FLRT2: variants seen among roughly 807,000 people sequenced by gnomAD.
FLRT2 encodes the protein leucine-rich repeat transmembrane protein FLRT2.
Under a neutral mutation model 40.0 loss-of-function variants are expected in FLRT2, and 15 were observed. The ratio of observed to expected loss-of-function variants is 0.38; its 90% CI spans 0.25 to 0.58. The LOEUF (loss-of-function observed/expected upper bound fraction) is 0.58. FLRT2 is among the 20% of genes least tolerant of loss of function. The pLI is 0.71. For synonymous variants in FLRT2, 380 were observed against 336.8 expected (o/e 1.13, Z -1.41); for missense variants, 726 against 840.0 (o/e 0.86, Z 1.68).
At position 85,630,799 on chromosome 14, in the gene FLRT2, C is replaced by A. The variant is rs1893848067; in HGVS notation, c.*7302C>A. On this transcript the variant is annotated 3_prime_UTR_variant, in exon 2 of 2. Coordinates refer to ENST00000330753, the MANE Select transcript of FLRT2 (RefSeq NM_013231.6). ...GCTAGTTCCAGCACCAGAGTGGCCT[C>A]TCAAATGTGTTTTCTCCTCTTGGTT... 1 of 152,104 alleles carries A rather than the reference C, an allele frequency of 6.6e-6. No homozygotes were observed. The highest frequency in any genetic ancestry group is 1.5e-5 in the Non-Finnish European group (1 of 68,092). 9.4% of individuals were successfully genotyped at this position (152,104 alleles called of 1,614,324 possible). A position where few individuals can be genotyped will look rare whatever the true frequency, so the allele number is the denominator to read the frequency against.
rs900331148 is a variant in FLRT2 at position 85,645,181 on chromosome 14, T to C, written c.*21684T>C. On this transcript the variant is annotated 3_prime_UTR_variant, in exon 2 of 2. Transcript: ENST00000330753. ...ACACATATGTGTGTATGTATATGTA[T>C]ACCTATATATATGTATACATATGTA... 8.6e-5 allele frequency: 13 copies of C among 151,700 alleles called. No individual in the cohort carries two copies. The highest frequency in any genetic ancestry group is 3.2e-4 in the African/African-American group (13 of 41,196). 9.4% of individuals were successfully genotyped at this position (151,700 alleles called of 1,614,324 possible).
chr14:85,611,008 G>A (rs549866210), intron 1 of FLRT2, among the ~76,000 whole-genome samples: 215 of 152,202 alleles, frequency 1.4e-3, no homozygotes, highest in African/African-American at 4.9e-3. Context: ...TGAATCTCCT[G>A]CCTCAGCTTC....
At chr14:85,562,787 G>A (rs1020140923) in intron 1 of FLRT2, 2 of 151,962 alleles carry the variant, frequency 1.3e-5, no homozygotes, top group Non-Finnish European at 2.9e-5. Flanking sequence ...CTATTGAACA[G>A]TATAAACAAC....
intron 1 of FLRT2, among the ~76,000 whole-genome samples, chr14:85,562,296 GAC>G (rs1406506450): frequency 1.3e-5 from 2 of 152,148 alleles, no homozygotes; most frequent in African/African-American, 2.4e-5. Flanking sequence ...AGACATTTCT[GAC>G]AGTTAAATCC....
chr14:85,633,232 A>G lies in FLRT2; in HGVS notation c.*9735A>G, dbSNP rs1212834786. 1 of 152,152 alleles carries G rather than the reference A, an allele frequency of 6.6e-6. No homozygotes were observed. The highest frequency in any genetic ancestry group is 1.5e-5 in the Non-Finnish European group (1 of 68,004). The allele number at this position is 152,152 out of a possible 1,614,324, so 9.4% of individuals were successfully genotyped here. ...GTCAGAAAGGTTTTCATTATTCTGT[A>G]TTCTTTCTGGGGGAAAAAAATTGGG... On this transcript the variant is annotated 3_prime_UTR_variant, in exon 2 of 2. Coordinates refer to ENST00000330753, the MANE Select transcript of FLRT2 (RefSeq NM_013231.6).
chr14:85,552,182 G>A (rs1219030431), intron 1 of FLRT2, among the ~76,000 whole-genome samples: 3 of 152,164 alleles, frequency 2.0e-5, no homozygotes, highest in African/African-American at 7.2e-5. Flanking sequence ...GGCAGTTCTA[G>A]TAATTCTCTG....
intron 1 of FLRT2, among the ~76,000 whole-genome samples, chr14:85,579,486 T>TG (rs1192768551): frequency 6.6e-6 from 1 of 151,598 alleles, no homozygotes; most frequent in African/African-American, 2.4e-5. Context: ...TTGGGAGGGG[T>TG]GGGGAAGGGC....
At chr14:85,545,054 A>G (rs780102774) in intron 1 of FLRT2, among the ~76,000 whole-genome samples, 1 of 152,166 alleles carries the variant, frequency 6.6e-6, no homozygotes, top group Non-Finnish European at 1.5e-5. Context: ...ATTTTTGATC[A>G]GACACTACCC....
In FLRT2 at chr14:85,625,286, G is replaced by A. The variant is rs938671216; in HGVS notation, c.*1789G>A. On this transcript the variant is annotated 3_prime_UTR_variant, in exon 2 of 2. Transcript: ENST00000330753. ...TATTATAGGGACCCATGAAGTAAAT[G>A]TCACAATCATCTTACTAGCTCTCTC... 3 of 167,044 alleles carry A rather than the reference G, an allele frequency of 1.8e-5. No homozygotes were observed. Among genetic ancestry groups the A allele is most frequent in the African/African-American group, 7.2e-5 (3 of 41,452 alleles). The allele number at this position is 167,044 out of a possible 1,614,324, so 10.3% of individuals were successfully genotyped here.
Position 85,622,105 on chromosome 14 carries a change from C to T in FLRT2, c.591C>T (p.Asp197=). The stretch of plus-strand genomic sequence containing the variant: ...AAAATCGAATTGCTGTCATATCCGA[C>T]ATGGCCTTCCAGAATCTCACGAGCT... ...VDENRIAVIS[D]MAFQNLTSLE... is the part of the protein sequence containing the mutation. Residue 197 remains aspartate (D), a synonymous_variant, in exon 2 of 2, where the codon GAC becomes GAT. Transcript: ENST00000330753. 6.2e-7 allele frequency: 1 copy of T among 1,614,172 alleles called. No individual in the cohort carries two copies. Among genetic ancestry groups the T allele is most frequent in the African/African-American group, 1.3e-5 (1 of 75,042 alleles).
Position 85,622,491 on chromosome 14 carries a change from A to G in FLRT2, c.977A>G (p.Lys326Arg), listed in dbSNP as rs1893442424. The part of the protein sequence containing the change: ...CSIKWVTEWL[K>R]YIPSSLNVRG... ...ATTAAATGGGTCACAGAATGGCTCA[A>G]ATATATCCCTTCATCTCTCAACGTG... The change falls in exon 2 of 2, where the codon AAA (lysine) becomes AGA (arginine). Residue 326 changes from lysine (K) to arginine (R), a missense_variant. Lys to Arg is a conservative substitution (Grantham distance 26). Around this residue, in one of 3 missense-constraint regions of FLRT2, gnomAD observed 611 missense variants for 690.0 expected, o/e 0.89. Transcript: ENST00000330753. The G allele has an allele frequency of 1.2e-6, 2 of 1,613,968 alleles. No homozygotes were observed. The highest frequency in any genetic ancestry group is 2.7e-5 in the African/African-American group (2 of 74,880).
intron 1 of FLRT2, among the ~76,000 whole-genome samples, chr14:85,558,443 G>A (rs149487194): frequency 2.5e-4 from 38 of 152,280 alleles, no homozygotes; most frequent in Non-Finnish European, 4.7e-4. Context: ...AAAAGGAGAA[G>A]TAAAGGCATG....
chr14:85,612,355 G>A (rs1186174503), intron 1 of FLRT2, among the ~76,000 whole-genome samples: 1 of 152,082 alleles, frequency 6.6e-6, no homozygotes, highest in Non-Finnish European at 1.5e-5. Flanking sequence ...ACATAATCAA[G>A]GCCACCACTA....
chr14:85,550,148 T>C (rs1889524902), intron 1 of FLRT2, among the ~76,000 whole-genome samples: 1 of 152,182 alleles, frequency 6.6e-6, no homozygotes, highest in South Asian at 2.1e-4. Context: ...AACAACTGCA[T>C]GTAGAGGAGG....
chr14:85,624,803 A>G lies in FLRT2; in HGVS notation c.*1306A>G, dbSNP rs1434174210. ...ATGAGTACTAATTTTCACTGCTAAT[A>G]ATTCTGTAAGGACACATCAAAGCTG... On this transcript the variant is annotated 3_prime_UTR_variant, in exon 2 of 2. Coordinates refer to ENST00000330753, the MANE Select transcript of FLRT2 (RefSeq NM_013231.6). 6.0e-6 allele frequency: 1 copy of G among 167,052 alleles called. No homozygotes were observed. Among genetic ancestry groups the G allele is most frequent in the Admixed American group, 6.5e-5 (1 of 15,286 alleles). The allele number at this position is 167,052 out of a possible 1,614,324, so 10.3% of individuals were successfully genotyped here. A position where few individuals can be genotyped will look rare whatever the true frequency, so the allele number is the denominator to read the frequency against.
chr14:85,592,737 C>T (rs1282980671), intron 1 of FLRT2, among the ~76,000 whole-genome samples: 3 of 138,232 alleles, frequency 2.2e-5, no homozygotes, highest in Non-Finnish European at 4.5e-5. Flanking sequence ...TGCAGCGAGC[C>T]GAGATCGTCC....
chr14:85,639,002 T>C lies in FLRT2; in HGVS notation c.*15505T>C, dbSNP rs915081688. On this transcript the variant is annotated 3_prime_UTR_variant, in exon 2 of 2. Coordinates refer to ENST00000330753, the MANE Select transcript of FLRT2 (RefSeq NM_013231.6). ...TATCAACTCTATCTGAAAATAAAAA[T>C]GTCCAAGAAAATGACAATCAAAACG... The C allele has an allele frequency of 1.8e-4, 27 of 152,186 alleles. No homozygotes were observed. Among genetic ancestry groups the C allele is most frequent in the African/African-American group, 6.5e-4 (27 of 41,458 alleles). 9.4% of individuals were successfully genotyped at this position (152,186 alleles called of 1,614,324 possible).
intron 1 of FLRT2, among the ~76,000 whole-genome samples, chr14:85,538,904 T>C (rs1467114258): frequency 6.6e-6 from 1 of 152,152 alleles, no homozygotes; most frequent in East Asian, 1.9e-4. Context: ...ATCTAGCATC[T>C]AAACAGCCTC....
At chr14:85,617,290 G>T (rs1234104466) in intron 1 of FLRT2, among the ~76,000 whole-genome samples, 1 of 152,166 alleles carries the variant, frequency 6.6e-6, no homozygotes, top group Non-Finnish European at 1.5e-5. Flanking sequence ...ATTACATAGA[G>T]AACAATCAGC....
Sources: allele counts gnomAD v4.1 joint callset (sites outside exome capture counted in the v4.1 genomes callset), GRCh38; gene constraint gnomAD v4.1.1; regional missense constraint gnomAD v4.1.1; transcripts MANE v1.5; gene names NCBI Gene and HGNC (gene_info 2026-07-23, HGNC 2026-07-21).